The following SLC9A2 variants were observed in gnomAD, a reference collection of about 807,000 sequenced individuals.
SLC9A2 encodes solute carrier family 9 member A2.
A neutral mutation model predicts 71.7 loss-of-function variants in SLC9A2; 42 were observed. That is an observed-to-expected ratio of 0.59 (90% CI 0.46 to 0.76). SLC9A2 has a LOEUF of 0.76. Among genes scored for constraint, SLC9A2 ranks in the 30% least tolerant of loss-of-function variants. The pLI, the probability that SLC9A2 is intolerant of heterozygous loss-of-function variation, is 0.00. For missense variants in SLC9A2, 829 were observed against 1,017.4 expected, an observed-to-expected ratio of 0.81 and a Z score of 2.52; for synonymous variants, 396 against 392.5, an observed-to-expected ratio of 1.01 and a Z score of -0.10.
chr2:102,632,110 AT>A (rs1558701440), intron 1 of SLC9A2, among the ~76,000 whole-genome samples: 12 of 116,748 alleles, frequency 1.0e-4, no homozygotes, highest in African/African-American at 4.2e-4. Context: ...ATACATATAT[AT>A]GTATATATAC....
chr2:102,699,419 C>T (rs1010537304), intron 7 of SLC9A2, among the ~76,000 whole-genome samples: 13 of 152,052 alleles, frequency 8.5e-5, no homozygotes, highest in African/African-American at 2.9e-4. Context: ...TACTTGTACC[C>T]AAGGAAGATG....
intron 1 of SLC9A2, among the ~76,000 whole-genome samples, chr2:102,656,114 G>A (rs1676936371): frequency 6.6e-6 from 1 of 152,246 alleles, no homozygotes; most frequent in Non-Finnish European, 1.5e-5. Context: ...TTGAATGCCT[G>A]AAGGATGATT....
intron 3 of SLC9A2, among the ~76,000 whole-genome samples, chr2:102,667,907 T>TA (rs947781724): frequency 2.2e-4 from 32 of 147,338 alleles, no homozygotes; most frequent in African/African-American, 4.2e-4. Flanking sequence ...CCGTCTCTAC[T>TA]AAAAAAAAAA....
At chr2:102,666,259 G>A (rs999976659) in intron 3 of SLC9A2, among the ~76,000 whole-genome samples, 3 of 146,292 alleles carry the variant, frequency 2.1e-5, no homozygotes, top group Admixed American at 1.4e-4. Context: ...GCAGCGGCGT[G>A]ATCTCGGCTC....
At position 102,704,613 on chromosome 2, in the gene SLC9A2, C is replaced by T; in HGVS notation, c.1915C>T (p.Arg639Cys). ...SERQAKEILI[R>C]RRHSLRESIR... ...GAGACAAGCCAAGGAGATTCTGATT[C>T]GCCGGCGACACAGTTTGCGAGAAAG... Residue 639 changes from arginine to cysteine, a missense_variant, in exon 10 of 12, where the codon CGC becomes TGC. Arg to Cys is a radical substitution (Grantham distance 180, BLOSUM62 -3). Coordinates refer to ENST00000233969, the MANE Select transcript of SLC9A2 (RefSeq NM_003048.6). The T allele has an allele frequency of 6.2e-7, 1 of 1,613,580 alleles. No homozygotes were observed. Among genetic ancestry groups the T allele is most frequent in the Non-Finnish European group, 8.5e-7 (1 of 1,179,694 alleles).
intron 4 of SLC9A2, among the ~76,000 whole-genome samples, chr2:102,683,812 G>A (rs947857022): frequency 1.1e-4 from 16 of 149,206 alleles, no homozygotes; most frequent in South Asian, 6.4e-4. Context: ...CTTCCTCATC[G>A]CCCTCTTCAT....
intron 10 of SLC9A2, among the ~76,000 whole-genome samples, chr2:102,705,413 T>C (rs935623611): frequency 6.6e-6 from 1 of 152,046 alleles, no homozygotes; most frequent in Admixed American, 6.6e-5. Context: ...GCCAGTAAAT[T>C]AGCTGTAGTA....
intron 1 of SLC9A2, among the ~76,000 whole-genome samples, chr2:102,632,423 A>T (rs1183929770): frequency 6.6e-6 from 1 of 151,490 alleles, no homozygotes; most frequent in South Asian, 2.1e-4. Flanking sequence ...ACATGGGCGT[A>T]TTGTCATTTT....
chr2:102,668,436 A>C (rs928062309), intron 3 of SLC9A2, among the ~76,000 whole-genome samples: 14 of 151,862 alleles, frequency 9.2e-5, no homozygotes, highest in African/African-American at 1.2e-4. Flanking sequence ...GGGATACAGC[A>C]TAATGATGCA....
intron 5 of SLC9A2, among the ~76,000 whole-genome samples, chr2:102,692,427 A>G (rs1318030661): frequency 1.8e-4 from 28 of 152,336 alleles, no homozygotes; most frequent in Non-Finnish European, 8.8e-5. Flanking sequence ...AGTCAAATGC[A>G]TGGCAGGGAA....
At chr2:102,685,474 A>G (rs1243822076) in intron 5 of SLC9A2, among the ~76,000 whole-genome samples, 1 of 152,204 alleles carries the variant, frequency 6.6e-6, no homozygotes, top group African/African-American at 2.4e-5. Flanking sequence ...GACTGTTGCG[A>G]GGAAAGGGTG....
intron 1 of SLC9A2, among the ~76,000 whole-genome samples, chr2:102,647,283 G>T (rs970438399): frequency 6.6e-6 from 1 of 152,138 alleles, no homozygotes; most frequent in Non-Finnish European, 1.5e-5. Context: ...AAATAAATAA[G>T]TTCTTTGAAA....
intron 3 of SLC9A2, among the ~76,000 whole-genome samples, chr2:102,670,483 C>T (rs762905228): frequency 1.1e-4 from 16 of 151,000 alleles, no homozygotes; most frequent in Non-Finnish European, 2.1e-4. Flanking sequence ...ATAAATAAAT[C>T]GAGGCCCAGA....
chr2:102,694,792 T>A (rs1677722767), intron 6 of SLC9A2, among the ~76,000 whole-genome samples: 1 of 152,208 alleles, frequency 6.6e-6, no homozygotes, highest in South Asian at 2.1e-4. Context: ...ATTACCATAT[T>A]TCATACTTTT....
At chr2:102,672,128 A>T (rs1339587648) in intron 3 of SLC9A2, among the ~76,000 whole-genome samples, 1 of 152,096 alleles carries the variant, frequency 6.6e-6, no homozygotes, top group Non-Finnish European at 1.5e-5. Flanking sequence ...ATAATAATAA[A>T]AATAAATTTA....
At chr2:102,660,097 C>T (rs1352057477) in intron 2 of SLC9A2, among the ~76,000 whole-genome samples, 1 of 152,092 alleles carries the variant, frequency 6.6e-6, no homozygotes, top group Non-Finnish European at 1.5e-5. Flanking sequence ...CTGGCTAAGT[C>T]ACTGTTTAGA....
rs1250920086 is a variant in SLC9A2, at chr2:102,708,663, C to A, written c.*174C>A. 1.4e-6 allele frequency: 1 copy of A among 690,680 alleles called. No individual in the cohort carries two copies. Among genetic ancestry groups the A allele is most frequent in the Non-Finnish European group, 2.3e-6 (1 of 437,596 alleles). The allele number at this position is 690,680 out of a possible 1,614,324, so 42.8% of individuals were successfully genotyped here. A position where few individuals can be genotyped will look rare whatever the true frequency, so the allele number is the denominator to read the frequency against. On this transcript the variant is annotated 3_prime_UTR_variant, in exon 12 of 12. Transcript: ENST00000233969. Reference sequence around the variant, plus strand: ...AGGCAAATCCGAAGAAAAGGAAAATCGAATAAAAAATAGTCCCACAAAATA... The same window carrying A: ...AGGCAAATCCGAAGAAAAGGAAAATAGAATAAAAAATAGTCCCACAAAATA...
intron 1 of SLC9A2, among the ~76,000 whole-genome samples, chr2:102,628,236 A>G (rs1288125780): frequency 1.3e-5 from 2 of 152,210 alleles, no homozygotes; most frequent in South Asian, 2.1e-4. Context: ...AATTATGCAA[A>G]TGACATATCA....
In SLC9A2 at chr2:102,657,826, T is replaced by C. The variant is rs1297565684; in HGVS notation, c.552T>C (p.Ile184=). The C allele has an allele frequency of 5.6e-6, 9 of 1,614,210 alleles. No homozygotes were observed. Among genetic ancestry groups the C allele is most frequent in the East Asian group, 2.2e-5 (1 of 44,890 alleles). Residue 184 remains isoleucine, a synonymous_variant, in exon 2 of 12, where the codon ATT becomes ATC. Coordinates refer to ENST00000233969, the MANE Select transcript of SLC9A2 (RefSeq NM_003048.6). ...GGACACTTTGGAATTCCATTGGCAT[T>C]GGGGTGTCTTTGTTTGGTATCTGCC... ...VVGTLWNSIG[I]GVSLFGICQI... is the part of the protein sequence containing the mutation.
Sources: allele counts gnomAD v4.1 joint callset (sites outside exome capture counted in the v4.1 genomes callset), GRCh38; gene constraint gnomAD v4.1.1; transcripts MANE v1.5; gene names NCBI Gene and HGNC (gene_info 2026-07-23, HGNC 2026-07-21).